Variants in APOOL observed in about 807,000 individuals in gnomAD.
APOOL encodes apolipoprotein O like.
In APOOL, 12 loss-of-function variants were observed where a neutral mutation model predicts 23.1. That is an observed-to-expected ratio of 0.52 (90% confidence interval 0.33 to 0.84). APOOL has a LOEUF of 0.84. Among genes scored for constraint, APOOL ranks in the 40% least tolerant of loss-of-function variants. The probability of loss-of-function intolerance (pLI) is 0.02; values close to 1 mark genes in which losing one functional copy is unlikely to be tolerated. For missense variants in APOOL, 212 were observed against 199.6 expected (o/e 1.06, Z -0.37); for synonymous variants, 77 against 69.9 (o/e 1.10, Z -0.51).
chrX:85,087,712 A>G lies in APOOL; in HGVS notation c.*34A>G, dbSNP rs1924365722. 3 of 1,081,731 alleles carry G rather than the reference A, an allele frequency of 2.8e-6. No homozygotes were observed. The highest frequency in any genetic ancestry group is 2.5e-6 in the Non-Finnish European group (2 of 803,556). 89.1% of individuals were successfully genotyped at this position (1,081,731 alleles called of 1,213,427 possible). A position where few individuals can be genotyped will look rare whatever the true frequency, so the allele number is the denominator to read the frequency against. ...GCATGCAGAGACTACACAGAAAACT[A>G]CAAGATGTGTGGCGTTGCAAATAAT... On this transcript the variant is annotated 3_prime_UTR_variant, in exon 9 of 9. Coordinates refer to ENST00000373173, the MANE Select transcript of APOOL (RefSeq NM_198450.6).
intron 8 of APOOL, among the ~76,000 whole-genome samples, chrX:85,086,861 G>C (rs1038853469): frequency 9.9e-5 from 9 of 90,814 alleles, no homozygotes; most frequent in African/African-American, 3.3e-4. Flanking sequence ...CAACACGCCC[G>C]GCTAATTTTT....
intron 1 of APOOL, among the ~76,000 whole-genome samples, chrX:85,020,980 C>T (rs1005133392): frequency 1.8e-5 from 2 of 111,939 alleles, no homozygotes; most frequent in African/African-American, 6.5e-5. Flanking sequence ...CAAGGCCACC[C>T]CTAGTGACAC....
At chrX:85,033,078 G>T (rs1306812190) in intron 1 of APOOL, among the ~76,000 whole-genome samples, 1 of 112,074 alleles carries the variant, frequency 8.9e-6, no homozygotes, top group African/African-American at 3.2e-5. Flanking sequence ...GGTGTCATTT[G>T]CTTTTTCTTC....
rs906727174 is a variant in APOOL at position 85,051,397 on chromosome X, A to G, written c.129A>G (p.Ile43Met). The G allele has an allele frequency of 1.7e-6, 2 of 1,209,775 alleles. No individual in the cohort carries two copies. Among genetic ancestry groups the G allele is most frequent in the Non-Finnish European group, 2.2e-6 (2 of 894,786 alleles). Residue 43 changes from isoleucine to methionine, a missense_variant, in exon 3 of 9, where the codon ATA (isoleucine) becomes ATG (methionine). Ile to Met is a conservative substitution (Grantham distance 10, BLOSUM62 1). Coordinates refer to ENST00000373173, the MANE Select transcript of APOOL (RefSeq NM_198450.6). Reference sequence around the variant, plus strand: ...ACATTTTTTGCCTGTAGCTCCCCATATATACTGCACCACCGCTCCAGTCTA... The same window carrying G: ...ACATTTTTTGCCTGTAGCTCCCCATGTATACTGCACCACCGCTCCAGTCTA... ...KQLVKPEQLP[I>M]YTAPPLQSKY...
intron 5 of APOOL, among the ~76,000 whole-genome samples, chrX:85,066,912 A>C (rs2147657719): frequency 9.0e-6 from 1 of 110,689 alleles, no homozygotes; most frequent in South Asian, 3.9e-4. Flanking sequence ...TAGATTGAGA[A>C]TACTTTTGTT....
chrX:85,041,418 G>A (rs1456895895), intron 1 of APOOL, among the ~76,000 whole-genome samples: 1 of 111,737 alleles, frequency 8.9e-6, no homozygotes, highest in Non-Finnish European at 1.9e-5. Context: ...TTGCAGAGCT[G>A]CTATTGGCCT....
chrX:85,021,246 G>A (rs1921654115), intron 1 of APOOL, among the ~76,000 whole-genome samples: 1 of 110,653 alleles, frequency 9.0e-6, no homozygotes, highest in Middle Eastern at 4.7e-3. Flanking sequence ...CCAGGACCCA[G>A]GCTGGCCCCA....
Position 85,091,030 on chromosome X carries a change from A to G in APOOL, c.*3352A>G, listed in dbSNP as rs1383614713. The stretch of plus-strand genomic sequence containing the variant: ...CAAGGTGGGTGAATCACCTGAGGTC[A>G]GGAGTTTGAGACCAGCCTGACCAAC... On this transcript the variant is annotated 3_prime_UTR_variant, in exon 9 of 9. Coordinates refer to ENST00000373173, the MANE Select transcript of APOOL (RefSeq NM_198450.6). 8.9e-6 allele frequency: 1 copy of G among 112,091 alleles called. No homozygotes were observed. The highest frequency in any genetic ancestry group is 1.9e-5 in the Non-Finnish European group (1 of 53,248). The allele number at this position is 112,091 out of a possible 1,213,427, so 9.2% of individuals were successfully genotyped here. A position where few individuals can be genotyped will look rare whatever the true frequency, so the allele number is the denominator to read the frequency against.
chrX:85,087,896 G>C lies in APOOL; in HGVS notation c.*218G>C. 1 of 283,562 alleles carries C rather than the reference G, an allele frequency of 3.5e-6. No individual in the cohort carries two copies. The highest frequency in any genetic ancestry group is 6.2e-6 in the Non-Finnish European group (1 of 161,029). The allele number at this position is 283,562 out of a possible 1,213,427, so 23.4% of individuals were successfully genotyped here. On this transcript the variant is annotated 3_prime_UTR_variant, in exon 9 of 9. Transcript: ENST00000373173. ...AACAATATTAAATGATTGATGAGGA[G>C]ACTTAGGTAGAAGTATTAGCTTGCA... is the stretch of plus-strand genomic sequence containing the variant.
At chrX:85,029,260 A>G (rs1207364048) in intron 1 of APOOL, among the ~76,000 whole-genome samples, 1 of 111,592 alleles carries the variant, frequency 9.0e-6, no homozygotes, top group African/African-American at 3.3e-5. Flanking sequence ...TCCCTGCCCT[A>G]TCATATAAAA....
chrX:85,030,731 T>C (rs184846382), intron 1 of APOOL, among the ~76,000 whole-genome samples: 2 of 110,866 alleles, frequency 1.8e-5, no homozygotes, highest in Admixed American at 1.9e-4. Context: ...TACAGAGTAG[T>C]GTAATGGAAT....
At chrX:85,020,981 C>T (rs1409656279) in intron 1 of APOOL, among the ~76,000 whole-genome samples, 8 of 112,018 alleles carry the variant, frequency 7.1e-5, no homozygotes, top group Non-Finnish European at 1.5e-4. Context: ...AAGGCCACCC[C>T]TAGTGACACT....
Position 85,072,077 on chromosome X carries a change from C to A in APOOL, c.487-1921C>A, listed in dbSNP as rs778813237. On this transcript the variant is annotated intron_variant, in intron 6 of 8. Coordinates refer to ENST00000373173, the MANE Select transcript of APOOL (RefSeq NM_198450.6). ...TGAGCTGAGATCACGCCACTGTACT[C>A]CAGCCTGGGTGACAGAGAGAGACTC... 2.6e-3 allele frequency among the ~76,000 whole-genome samples: 294 copies of A among 111,528 alleles called. 1 individual carries two copies. The highest frequency in any genetic ancestry group is 4.3e-3 in the Non-Finnish European group (227 of 53,044).
chrX:85,086,257 C>T (rs1924286451), intron 8 of APOOL, among the ~76,000 whole-genome samples: 1 of 111,705 alleles, frequency 9.0e-6, no homozygotes, highest in African/African-American at 3.3e-5. Context: ...TCTCTTACCT[C>T]ATTCACTGGC....
intron 8 of APOOL, among the ~76,000 whole-genome samples, chrX:85,083,479 G>C (rs1364738874): frequency 9.0e-6 from 1 of 111,213 alleles, no homozygotes; most frequent in Non-Finnish European, 1.9e-5. Context: ...TCATTGTATG[G>C]GTTTAACAGC....
chrX:85,026,156 A>G (rs1374549265), intron 1 of APOOL, among the ~76,000 whole-genome samples: 1 of 113,582 alleles, frequency 8.8e-6, no homozygotes, highest in East Asian at 2.8e-4. Flanking sequence ...AACACTACAG[A>G]GAAGCTACCA....
chrX:85,005,734 T>C (rs1473980738), intron 1 of APOOL, among the ~76,000 whole-genome samples: 1 of 110,629 alleles, frequency 9.0e-6, no homozygotes, highest in Non-Finnish European at 1.9e-5. Context: ...ATAACACATA[T>C]AACACAAATG....
At chrX:85,056,613 C>A (rs1018275628) in intron 5 of APOOL, among the ~76,000 whole-genome samples, 1 of 110,447 alleles carries the variant, frequency 9.1e-6, no homozygotes, top group Non-Finnish European at 1.9e-5. Context: ...CTTGGTGGCA[C>A]ATGCCTGTAA....
intron 4 of APOOL, among the ~76,000 whole-genome samples, 168 bp downstream of exon 4, chrX:85,054,566 A>T (rs1922896489): frequency 2.7e-5 from 3 of 111,452 alleles, no homozygotes; most frequent in African/African-American, 9.7e-5. Context: ...TTGATTATTG[A>T]TTAATAGCAA....
Sources: allele counts gnomAD v4.1 joint callset (sites outside exome capture counted in the v4.1 genomes callset), GRCh38; gene constraint gnomAD v4.1.1; transcripts MANE v1.5; gene names NCBI Gene and HGNC (gene_info 2026-07-23, HGNC 2026-07-21).